RNF17: variants seen among roughly 807,000 people sequenced by gnomAD.
The protein encoded by RNF17 is spermatogenesis associated 23.
Under a neutral mutation model 200.5 loss-of-function variants are expected in RNF17, and 31 were observed. The observed-to-expected ratio is 0.15, with a 90% CI of 0.12 to 0.21. The LOEUF (loss-of-function observed/expected upper bound fraction) is 0.21. RNF17 is among the 10% of genes least tolerant of loss of function. RNF17 has a pLI of 1.00. For synonymous variants in RNF17, 606 were observed against 637.8 expected, an observed-to-expected ratio of 0.95 and a Z score of 0.75; for missense variants, 1,628 against 1,905.1, an observed-to-expected ratio of 0.85 and a Z score of 2.71.
chr13:24,859,113 T>C lies in RNF17; in HGVS notation c.3723T>C (p.Asp1241=), dbSNP rs771994038. 2 of 1,612,652 alleles carry C rather than the reference T, an allele frequency of 1.2e-6. No individual in the cohort carries two copies. The highest frequency in any genetic ancestry group is 1.7e-6 in the Non-Finnish European group (2 of 1,179,056). The change falls in exon 26 of 36, where the codon GAT becomes GAC. Residue 1241 remains aspartate, a synonymous_variant. Coordinates refer to ENST00000255324, the MANE Select transcript of RNF17 (RefSeq NM_031277.3). ...AAGCATGTGCAGTAAGAGGATCCGA[T>C]ACTCTGTGGTATCGTGGCAAGGTGA... ...KGEACAVRGS[D]TLWYRGKVME...
At chr13:24,760,988 G>T (rs1026892397), upstream of RNF17, among the ~76,000 whole-genome samples, 9 of 152,130 alleles carry the variant, frequency 5.9e-5, no homozygotes, top group African/African-American at 2.2e-4. Flanking sequence ...TGTTGGCAAG[G>T]ATATGGAGAA....
intron 15 of RNF17, among the ~76,000 whole-genome samples, chr13:24,811,640 G>A (rs1052599249): frequency 6.6e-6 from 1 of 152,096 alleles, no homozygotes; most frequent in African/African-American, 2.4e-5. Context: ...CTTCTCTCAG[G>A]TCGTCAAAGT....
intron 2 of RNF17, among the ~76,000 whole-genome samples, chr13:24,772,046 G>T (rs544187261): frequency 1.1e-3 from 160 of 152,240 alleles, no homozygotes; most frequent in African/African-American, 3.7e-3. Flanking sequence ...ATTATTTTAT[G>T]TGTTATGTGA....
chr13:24,853,634 T>TA (rs1052150917), intron 24 of RNF17, among the ~76,000 whole-genome samples: 1 of 152,196 alleles, frequency 6.6e-6, no homozygotes, highest in African/African-American at 2.4e-5. Flanking sequence ...AGTCTGTAAA[T>TA]ATAGAAATTT....
intron 17 of RNF17, among the ~76,000 whole-genome samples, chr13:24,831,282 G>C (rs2138025100): frequency 6.6e-6 from 1 of 151,972 alleles, no homozygotes; most frequent in East Asian, 1.9e-4. Flanking sequence ...CTACTAAAAA[G>C]ATACAAAAAA....
intron 9 of RNF17, among the ~76,000 whole-genome samples, chr13:24,790,498 C>G (rs1794471126): frequency 6.6e-6 from 1 of 152,120 alleles, no homozygotes. Context: ...AAATCCAGTT[C>G]CTCAGTTCCA....
intron 32 of RNF17, 79 bp downstream of exon 32, chr13:24,870,818 T>C: frequency 8.8e-7 from 1 of 1,131,506 alleles, no homozygotes; most frequent in Non-Finnish European, 1.3e-6. Context: ...GACCTTGGGC[T>C]ATCTCTAATG....
chr13:24,842,000 T>G, intron 18 of RNF17, 41 bp from the exon 19 acceptor site: 1 of 1,565,968 alleles, frequency 6.4e-7, no homozygotes, highest in Non-Finnish European at 8.6e-7. Context: ...CTATATTTTG[T>G]GACATATTTC....
intron 15 of RNF17, among the ~76,000 whole-genome samples, chr13:24,808,089 A>T (rs1886118422): frequency 1.3e-5 from 2 of 151,204 alleles, no homozygotes; most frequent in South Asian, 4.2e-4. Context: ...TGATGCCTCC[A>T]GCTTTGTTCT....
At chr13:24,761,967 T>C (rs1878781072), upstream of RNF17, among the ~76,000 whole-genome samples, 1 of 152,182 alleles carries the variant, frequency 6.6e-6, no homozygotes, top group Non-Finnish European at 1.5e-5. Flanking sequence ...ACAGTACAGC[T>C]ATCCTAGAGG....
intron 22 of RNF17, among the ~76,000 whole-genome samples, 183 bp downstream of exon 22, chr13:24,845,262 A>G (rs1403667681): frequency 6.6e-6 from 1 of 152,226 alleles, no homozygotes; most frequent in Admixed American, 6.5e-5. Context: ...GAGATAGGTG[A>G]GTATGAAAGT....
chr13:24,886,879 C>A, the RNF17 span, among the ~76,000 whole-genome samples: 1 of 152,128 alleles, frequency 6.6e-6, no homozygotes, highest in Non-Finnish European at 1.5e-5. Flanking sequence ...TTAATTCTTC[C>A]CAGGCTGATT....
chr13:24,763,558 A>G (rs1361598800), upstream of RNF17, among the ~76,000 whole-genome samples: 1 of 151,994 alleles, frequency 6.6e-6, no homozygotes, highest in Non-Finnish European at 1.5e-5. Context: ...GGTCCGGTAC[A>G]TAACACTTAT....
chr13:24,814,145 A>T (rs1327682351), intron 15 of RNF17, among the ~76,000 whole-genome samples: 1 of 152,228 alleles, frequency 6.6e-6, no homozygotes, highest in Non-Finnish European at 1.5e-5. Context: ...ACTATTCATT[A>T]ACTGAACGTG....
intron 6 of RNF17, among the ~76,000 whole-genome samples, chr13:24,782,992 C>G (rs1487739163): frequency 6.6e-6 from 1 of 152,096 alleles, no homozygotes; most frequent in African/African-American, 2.4e-5. Context: ...CATCATGATG[C>G]CTTTTCCCTG....
downstream of RNF17, chr13:24,884,391 C>G (rs375852676): frequency 1.2e-6 from 2 of 1,614,082 alleles, no homozygotes; most frequent in Non-Finnish European, 8.5e-7. Flanking sequence ...GTCTTCCCAT[C>G]TGCACTCACT....
chr13:24,811,338 TTTCTTTTTA>T (rs1033433953), intron 15 of RNF17, among the ~76,000 whole-genome samples: 3 of 152,002 alleles, frequency 2.0e-5, no homozygotes, highest in Admixed American at 6.6e-5. Context: ...GCTTTGTTCA[TTTCTTTTTA>T]TTCTTTTTTC....
At chr13:24,827,793 ATTGAGGGC>A (rs953163032) in intron 16 of RNF17, among the ~76,000 whole-genome samples, 7 of 148,386 alleles carry the variant, frequency 4.7e-5, no homozygotes, top group African/African-American at 1.7e-4. Context: ...GCACTGTCTT[ATTGAGGGC>A]TTAGTCTCTG....
the RNF17 span, chr13:24,885,405 T>G: frequency 6.5e-7 from 1 of 1,548,582 alleles, no homozygotes; most frequent in Non-Finnish European, 8.9e-7. Context: ...ACAACACATT[T>G]CAAGCAGCTA....
Sources: allele counts gnomAD v4.1 joint callset (sites outside exome capture counted in the v4.1 genomes callset), GRCh38; gene constraint gnomAD v4.1.1; transcripts MANE v1.5; gene names NCBI Gene and HGNC (gene_info 2026-07-23, HGNC 2026-07-21).